COP1: variants seen among roughly 807,000 people sequenced by gnomAD.
The protein encoded by COP1 is E3 ubiquitin-protein ligase COP1.
In COP1, 24 loss-of-function variants were observed where a neutral mutation model predicts 101.3. The ratio of observed to expected loss-of-function variants is 0.24; its 90% CI spans 0.17 to 0.33. The LOEUF (loss-of-function observed/expected upper bound fraction) is 0.33, where lower values mean the gene tolerates loss of function less well. COP1 is among the 10% of genes least tolerant of loss of function. The probability of loss-of-function intolerance (pLI) is 1.00; values close to 1 mark genes in which losing one functional copy is unlikely to be tolerated. For synonymous variants in COP1, 347 were observed against 341.9 expected, an observed-to-expected ratio of 1.01 and a Z score of -0.17; for missense variants, 663 against 906.2, an observed-to-expected ratio of 0.73 and a Z score of 3.45.
At chr1:176,088,094 G>C (rs1244664751) in intron 9 of COP1, among the ~76,000 whole-genome samples, 1 of 152,096 alleles carries the variant, frequency 6.6e-6, no homozygotes. Context: ...TCACACACCA[G>C]GGTCTGTCAT....
chr1:176,171,247 A>C (rs553379694), intron 3 of COP1, among the ~76,000 whole-genome samples: 1 of 152,034 alleles, frequency 6.6e-6, no homozygotes, highest in Admixed American at 6.5e-5. Flanking sequence ...TACAGCTTCT[A>C]CATCAGCACT....
intron 9 of COP1, among the ~76,000 whole-genome samples, chr1:176,089,670 TA>T (rs572742442): frequency 9.2e-5 from 14 of 152,290 alleles, no homozygotes; most frequent in African/African-American, 3.4e-4. Flanking sequence ...CTCTGAGACC[TA>T]AACTCTGAGT....
In COP1 at chr1:176,162,996, T is replaced by A. The variant is rs755238001; in HGVS notation, c.643-8A>T. 6.3e-7 allele frequency: 1 copy of A among 1,589,496 alleles called. No homozygotes were observed. Among genetic ancestry groups the A allele is most frequent in the East Asian group, 2.2e-5 (1 of 44,536 alleles). ...CTGCCACCTGTGGCCATTCTAAAAA[T>A]GAAGAAAGAAGAAACACAACAACTT... is the stretch of plus-strand genomic sequence containing the variant. On this transcript the variant is annotated splice_polypyrimidine_tract_variant and splice_region_variant and intron_variant, in intron 4 of 19. Transcript: ENST00000367669.
intron 4 of COP1, 65 bp downstream of exon 4, chr1:176,163,750 A>T: frequency 9.8e-7 from 1 of 1,016,188 alleles, no homozygotes; most frequent in Non-Finnish European, 1.5e-6. Flanking sequence ...CATCTAACTA[A>T]TATTAAACCA....
At chr1:175,969,842 T>C (rs1652896107) in intron 18 of COP1, among the ~76,000 whole-genome samples, 1 of 152,146 alleles carries the variant, frequency 6.6e-6, no homozygotes, top group Non-Finnish European at 1.5e-5. Context: ...CCTTAATTTC[T>C]TTACAGTTAA....
At chr1:176,138,731 T>C (rs1473589878) in intron 6 of COP1, among the ~76,000 whole-genome samples, 1 of 152,094 alleles carries the variant, frequency 6.6e-6, no homozygotes, top group East Asian at 1.9e-4. Context: ...AACCACTCTG[T>C]CTAGCTCATA....
intron 18 of COP1, among the ~76,000 whole-genome samples, chr1:175,951,463 A>ATATATATATATTTATATATATATATAT (rs1558154896): frequency 2.5e-5 from 1 of 39,920 alleles, no homozygotes; most frequent in Non-Finnish European, 4.9e-5. Context: ...TATATATATA[A>ATATATATATATTTATATATATATATAT]AAACTTCCAT....
intron 15 of COP1, among the ~76,000 whole-genome samples, chr1:176,000,799 T>A (rs1011480712): frequency 3.9e-5 from 6 of 152,182 alleles, no homozygotes; most frequent in Admixed American, 2.0e-4. Context: ...ATACAGATAT[T>A]TTCTAGTGTA....
chr1:175,956,154 T>C (rs1650622004), intron 18 of COP1, among the ~76,000 whole-genome samples: 1 of 151,872 alleles, frequency 6.6e-6, no homozygotes, highest in Non-Finnish European at 1.5e-5. Flanking sequence ...GATAGACATA[T>C]AAATCAAAGG....
chr1:175,996,191 T>G lies in COP1; in HGVS notation c.1730-6712A>C, dbSNP rs184387784. Among the ~76,000 whole-genome samples the G allele has an allele frequency of 1.5e-3, 227 of 152,238 alleles. 2 individuals carry two copies. Among genetic ancestry groups the G allele is most frequent in the African/African-American group, 5.1e-3 (210 of 41,532 alleles). On this transcript the variant is annotated intron_variant, in intron 15 of 19. Transcript: ENST00000367669. The stretch of plus-strand genomic sequence containing the variant: ...ATGCAGAAAAGGCCTTTGACAAAAT[T>G]CAACAACCCTTTGTGCTAAAAACTC...
chr1:176,006,967 C>G (rs11584315), intron 15 of COP1, among the ~76,000 whole-genome samples: 1 of 151,730 alleles, frequency 6.6e-6, no homozygotes, highest in East Asian at 1.9e-4. Flanking sequence ...TCCATTCTCC[C>G]CATCACTTTC....
Position 175,971,211 on chromosome 1 carries a change from G to C in COP1, c.2133+15732C>G, listed in dbSNP as rs1411654329. Among the ~76,000 whole-genome samples the C allele has an allele frequency of 3.3e-5, 5 of 152,136 alleles. No individual in the cohort carries two copies. In the East Asian group the frequency reaches 9.6e-4, roughly 29 times the overall value. ...GGATGTTAATATGTCAAAGTTGGAA[G>C]GGTATTTTGTAGTAACTTTTTTTTT... On this transcript the variant is annotated intron_variant, in intron 18 of 19. Coordinates refer to ENST00000367669, the MANE Select transcript of COP1 (RefSeq NM_022457.7).
intron 1 of COP1, among the ~76,000 whole-genome samples, chr1:176,195,567 G>T (rs1282748150): frequency 2.0e-5 from 3 of 151,960 alleles, no homozygotes; most frequent in African/African-American, 7.3e-5. Context: ...AGCTTATGGT[G>T]GACCATGAAA....
intron 1 of COP1, among the ~76,000 whole-genome samples, chr1:176,195,189 G>A (rs1331583390): frequency 6.6e-6 from 1 of 151,598 alleles, no homozygotes; most frequent in African/African-American, 2.4e-5. Flanking sequence ...AGGGAAGGGA[G>A]GAAGGAAGCT....
Position 176,175,944 on chromosome 1 carries a change from C to T in COP1, c.531G>A (p.Val177=). 1 of 1,585,720 alleles carries T rather than the reference C, an allele frequency of 6.3e-7. No individual in the cohort carries two copies. The highest frequency in any genetic ancestry group is 8.6e-7 in the Non-Finnish European group (1 of 1,157,006). The change falls in exon 3 of 20, where the codon GTG becomes GTA. Residue 177 remains valine (V), a synonymous_variant. Transcript: ENST00000367669. ...NNRCPKCNYV[V]DNIDHLYPNF... is the part of the protein sequence containing the mutation. ...TAGGATACAGATGGTCAATATTGTC[C>T]ACAACATAGTTACACTTGGGACATC...
At chr1:176,139,445 G>A (rs190358994) in intron 6 of COP1, among the ~76,000 whole-genome samples, 2 of 152,140 alleles carry the variant, frequency 1.3e-5, no homozygotes, top group Admixed American at 1.3e-4. Context: ...CTATTTGACC[G>A]AGTAATTCCA....
intron 18 of COP1, among the ~76,000 whole-genome samples, chr1:175,963,177 A>T (rs1428058283): frequency 6.6e-6 from 1 of 152,104 alleles, no homozygotes; most frequent in Non-Finnish European, 1.5e-5. Flanking sequence ...CTGCTATGAT[A>T]ATACTCTCAT....
chr1:176,122,248 A>C (rs1687262748), intron 8 of COP1, among the ~76,000 whole-genome samples: 1 of 152,144 alleles, frequency 6.6e-6, no homozygotes, highest in Admixed American at 6.5e-5. Context: ...AAAAATAAAA[A>C]ACCTGGTCTG....
At chr1:176,104,498 T>G (rs919336201) in intron 9 of COP1, among the ~76,000 whole-genome samples, 4 of 152,138 alleles carry the variant, frequency 2.6e-5, no homozygotes, top group African/African-American at 9.7e-5. Flanking sequence ...CAGCTAAAGA[T>G]ATGAGTATAC....
Sources: gnomAD v4.1 joint callset for allele counts (sites outside exome capture counted in the v4.1 genomes callset) on GRCh38, gnomAD v4.1.1 for gene constraint, MANE v1.5 for transcripts, NCBI Gene and HGNC (gene_info 2026-07-23, HGNC 2026-07-21) for gene names.